Variants in KEL observed in about 807,000 individuals in gnomAD.
KEL encodes Kell metallo-endopeptidase (Kell blood group), also known as kell blood group glycoprotein.
In KEL, 96 loss-of-function variants were observed where a neutral mutation model predicts 99.5. The ratio of observed to expected loss-of-function variants is 0.97; its 90% CI spans 0.82 to 1.14. The LOEUF (loss-of-function observed/expected upper bound fraction) is 1.14, where lower values mean the gene tolerates loss of function less well. KEL is among the 50% of genes most tolerant of loss of function. KEL has a pLI of 0.00. For missense variants in KEL, 926 were observed against 924.2 expected (o/e 1.00, Z -0.03); for synonymous variants, 355 against 354.8 (o/e 1.00, Z -0.01).
intron 6 of KEL, among the ~76,000 whole-genome samples, chr7:142,955,102 G>C (rs944382163): frequency 6.6e-6 from 1 of 152,094 alleles, no homozygotes; most frequent in Admixed American, 6.5e-5. Context: ...GTTGGGTGGA[G>C]CTCTCTGAAC....
chr7:142,943,692 T>A, intron 14 of KEL, 91 bp downstream of exon 14: 1 of 1,456,240 alleles, frequency 6.9e-7, no homozygotes, highest in Non-Finnish European at 9.6e-7. Flanking sequence ...TTACTGTTCA[T>A]GCTGCCTGCC....
intron 6 of KEL, 68 bp from the exon 7 acceptor site, chr7:142,954,595 GGGGAATATACCAT>G: frequency 7.3e-7 from 1 of 1,362,464 alleles, no homozygotes; most frequent in Non-Finnish European, 1.1e-6. Context: ...GTGGGGAGGT[GGGGAATATACCAT>G]GGGAGATGGC....
rs1170063680 is a variant in KEL at position 142,942,419 on chromosome 7, G to A, written c.2037+15C>T. The stretch of plus-strand genomic sequence containing the variant: ...GACATAAAGCAAGCTGTGGCGGGAG[G>A]TGGCCGCTGCCTACCTGGGCATAGC... On this transcript the variant is annotated intron_variant, in intron 18 of 18. Transcript: ENST00000355265. 1.3e-6 allele frequency: 2 copies of A among 1,560,512 alleles called. No homozygotes were observed. The highest frequency in any genetic ancestry group is 2.3e-5 in the South Asian group (2 of 85,924).
intron 10 of KEL, among the ~76,000 whole-genome samples, chr7:142,949,953 C>T (rs561614958): frequency 6.6e-6 from 1 of 152,276 alleles, no homozygotes; most frequent in Admixed American, 6.5e-5. Flanking sequence ...ACTAATCATC[C>T]AAAGATGGGC....
intron 10 of KEL, 195 bp from the exon 11 acceptor site, chr7:142,946,512 T>C: frequency 1.6e-6 from 1 of 622,050 alleles, no homozygotes; most frequent in Non-Finnish European, 2.9e-6. Flanking sequence ...TCAGAGCTGG[T>C]CTCATGAGCC....
At chr7:142,962,040 C>G in intron 1 of KEL, 164 bp downstream of exon 1, 2 of 1,609,834 alleles carry the variant, frequency 1.2e-6, no homozygotes, top group East Asian at 2.2e-5. Context: ...CGAACCTGTC[C>G]CCTGAATGTG....
chr7:142,952,721 T>C, intron 9 of KEL, 83 bp from the exon 10 acceptor site: 2 of 1,504,942 alleles, frequency 1.3e-6, no homozygotes, highest in South Asian at 1.1e-5. Context: ...GTAAGTCACC[T>C]TGATACTCGT....
chr7:142,961,608 A>G (rs1796961700), intron 2 of KEL, 107 bp from the exon 3 acceptor site: 6 of 1,404,930 alleles, frequency 4.3e-6, no homozygotes, highest in Admixed American at 3.5e-5. Context: ...CCCTTTATAC[A>G]GAAATAATTA....
chr7:142,942,859 C>G lies in KEL; in HGVS notation c.1941+16G>C. The G allele has an allele frequency of 6.2e-7, 1 of 1,614,098 alleles. No homozygotes were observed. Among genetic ancestry groups the G allele is most frequent in the Non-Finnish European group, 8.5e-7 (1 of 1,179,964 alleles). On this transcript the variant is annotated intron_variant, in intron 17 of 18. Transcript: ENST00000355265. ...CTGCCAGTACACATAAACTGTGGCCCTTGACACTTGCATACCTGCAGCGCG... is the reference window on the plus strand; with the variant it reads ...CTGCCAGTACACATAAACTGTGGCCGTTGACACTTGCATACCTGCAGCGCG...
intron 11 of KEL, 47 bp from the exon 12 acceptor site, chr7:142,944,788 C>T (rs1316958451): frequency 8.3e-6 from 12 of 1,452,250 alleles, no homozygotes; most frequent in Non-Finnish European, 1.1e-5. Flanking sequence ...CAGGAGAGGC[C>T]TCAGCCTGGC....
intron 11 of KEL, among the ~76,000 whole-genome samples, chr7:142,945,236 C>T (rs1437765432): frequency 6.6e-6 from 1 of 152,220 alleles, no homozygotes; most frequent in Non-Finnish European, 1.5e-5. Flanking sequence ...CACTGCTTCC[C>T]CAGCCACCTG....
chr7:142,958,566 T>G, intron 4 of KEL, 138 bp from the exon 5 acceptor site: 2 of 789,732 alleles, frequency 2.5e-6, no homozygotes, highest in South Asian at 3.0e-5. Flanking sequence ...CCATGTAACA[T>G]GATTTACTTT....
At position 142,954,317 on chromosome 7, in the gene KEL, TCTC is replaced by T. The variant is rs1796771798; in HGVS notation, c.788_790del (p.Gly263del). On this transcript the variant is annotated inframe_deletion, in exon 8 of 19. Coordinates refer to ENST00000355265, the MANE Select transcript of KEL (RefSeq NM_000420.3). ...AGAGTGTTCTTGCACCTTGCTTGGG[TCTC>T]CTCCCAGCAAGGTTCCCAGCTGATT... 6.2e-7 allele frequency: 1 copy of T among 1,613,844 alleles called. No homozygotes were observed. Among genetic ancestry groups the T allele is most frequent in the African/African-American group, 1.3e-5 (1 of 74,838 alleles).
chr7:142,942,421 GGC>G lies in KEL; in HGVS notation c.2037+11_2037+12del. On this transcript the variant is annotated intron_variant, in intron 18 of 18. Transcript: ENST00000355265. Reference sequence around the variant, plus strand: ...CATAAAGCAAGCTGTGGCGGGAGGTGGCCGCTGCCTACCTGGGCATAGCTTCG... The same window carrying G: ...CATAAAGCAAGCTGTGGCGGGAGGTGCGCTGCCTACCTGGGCATAGCTTCG... 3.2e-6 allele frequency: 5 copies of G among 1,558,496 alleles called. No individual in the cohort carries two copies. Among genetic ancestry groups the G allele is most frequent in the Non-Finnish European group, 3.5e-6 (4 of 1,146,934 alleles).
intron 8 of KEL, 50 bp downstream of exon 8, chr7:142,954,134 G>T: frequency 6.4e-7 from 1 of 1,561,574 alleles, no homozygotes; most frequent in Non-Finnish European, 8.7e-7. Flanking sequence ...GGTAATGTTT[G>T]AGAGGAAGAT....
intron 11 of KEL, among the ~76,000 whole-genome samples, chr7:142,945,424 A>G (rs186610395): frequency 3.8e-4 from 58 of 152,364 alleles, no homozygotes; most frequent in Middle Eastern, 3.4e-3. Context: ...TCAGGATCAT[A>G]ATAGGAACTA....
At chr7:142,947,723 A>G (rs1586255269) in intron 10 of KEL, among the ~76,000 whole-genome samples, 1 of 152,200 alleles carries the variant, frequency 6.6e-6, no homozygotes, top group African/African-American at 2.4e-5. Flanking sequence ...AAGTTTTGCC[A>G]TGTTGGCCAG....
chr7:142,942,360 A>AC, intron 18 of KEL, 74 bp downstream of exon 18: 13 of 980,040 alleles, frequency 1.3e-5, no homozygotes, highest in Non-Finnish European at 2.1e-5. Flanking sequence ...TGAAGAGGGG[A>AC]CTTCCATGAG....
At chr7:142,947,878 G>A (rs769047171) in intron 10 of KEL, among the ~76,000 whole-genome samples, 2 of 152,210 alleles carry the variant, frequency 1.3e-5, no homozygotes, top group Non-Finnish European at 2.9e-5. Context: ...TGCATGAGTT[G>A]GAGCTCTGAA....
Sources: gnomAD v4.1 joint callset for allele counts (sites outside exome capture counted in the v4.1 genomes callset) on GRCh38, gnomAD v4.1.1 for gene constraint, MANE v1.5 for transcripts, NCBI Gene and HGNC (gene_info 2026-07-23, HGNC 2026-07-21) for gene names.